Variants in KRT79 observed in about 807,000 individuals in gnomAD.
The protein encoded by KRT79 is keratin, type II cytoskeletal 79.
Under a neutral mutation model 49.0 loss-of-function variants are expected in KRT79, and 51 were observed. That is an observed-to-expected ratio of 1.04 (90% CI 0.83 to 1.31). The LOEUF (loss-of-function observed/expected upper bound fraction) is 1.31. KRT79 is among the 40% of genes most tolerant of loss of function. KRT79 has a pLI of 0.00. For missense variants in KRT79, 728 were observed against 688.0 expected, an observed-to-expected ratio of 1.06 and a Z score of -0.65; for synonymous variants, 312 against 286.6, an observed-to-expected ratio of 1.09 and a Z score of -0.90.
At chr12:52,826,208 G>C (rs1940173512) in intron 4 of KRT79, among the ~76,000 whole-genome samples, 1 of 151,856 alleles carries the variant, frequency 6.6e-6, no homozygotes, top group Non-Finnish European at 1.5e-5. Context: ...GGCATCAAGA[G>C]TGGATGAGGT....
Position 52,833,885 on chromosome 12 carries a change from G to C in KRT79, c.376C>G (p.Pro126Ala). The C allele has an allele frequency of 6.2e-7, 1 of 1,613,870 alleles. No homozygotes were observed. The highest frequency in any genetic ancestry group is 8.5e-7 in the Non-Finnish European group (1 of 1,179,926). The change falls in exon 1 of 9, where the codon CCC (proline) becomes GCC (alanine). Residue 126 changes from proline (P) to alanine (A), a missense_variant. Pro to Ala is a conservative substitution (Grantham distance 27, BLOSUM62 -1). Coordinates refer to ENST00000330553, the MANE Select transcript of KRT79 (RefSeq NM_175834.3). ...TCGGGGTCAATCTCCACATGGAGGG[G>C]GGTCAGCAGGCTCTGGTTGACAGTG... ...EVTVNQSLLT[P>A]LHVEIDPEIQ...
chr12:52,833,724 C>T, intron 1 of KRT79, 60 bp downstream of exon 1: 6 of 1,390,556 alleles, frequency 4.3e-6, no homozygotes, highest in Non-Finnish European at 6.1e-6. Flanking sequence ...CCAGCCCACC[C>T]TCTATTAGAG....
chr12:52,827,705 CG>C (rs368624502), intron 4 of KRT79, among the ~76,000 whole-genome samples: 6 of 152,194 alleles, frequency 3.9e-5, no homozygotes, highest in African/African-American at 1.4e-4. Context: ...AGAAATAACA[CG>C]GAGGTCCCTT....
At chr12:52,827,867 A>G (rs1940198406) in intron 4 of KRT79, among the ~76,000 whole-genome samples, 1 of 152,194 alleles carries the variant, frequency 6.6e-6, no homozygotes, top group African/African-American at 2.4e-5. Flanking sequence ...AGGGTAGATG[A>G]GAGACCTTGG....
chr12:52,830,835 G>A (rs1000245535), intron 2 of KRT79, among the ~76,000 whole-genome samples: 1 of 152,210 alleles, frequency 6.6e-6, no homozygotes, highest in African/African-American at 2.4e-5. Flanking sequence ...TTTATGACAT[G>A]TATGGGGTCA....
At chr12:52,831,244 C>T (rs1048132841) in intron 2 of KRT79, among the ~76,000 whole-genome samples, 162 bp downstream of exon 2, 3 of 152,234 alleles carry the variant, frequency 2.0e-5, no homozygotes, top group Non-Finnish European at 4.4e-5. Context: ...TGCCAATTCT[C>T]CAGGTGGCAG....
chr12:52,829,698 C>A (rs1940222611), intron 4 of KRT79, among the ~76,000 whole-genome samples: 1 of 152,164 alleles, frequency 6.6e-6, no homozygotes, highest in African/African-American at 2.4e-5. Context: ...GTCAGGAGTT[C>A]AAGACCAGCC....
At chr12:52,831,830 A>G (rs1368359729) in intron 1 of KRT79, among the ~76,000 whole-genome samples, 1 of 152,194 alleles carries the variant, frequency 6.6e-6, no homozygotes, top group Non-Finnish European at 1.5e-5. Context: ...AACTCTACCA[A>G]GTTAATAAGC....
intron 4 of KRT79, 22 bp from the exon 5 acceptor site, chr12:52,824,384 C>A: frequency 6.2e-7 from 1 of 1,609,806 alleles, no homozygotes; most frequent in Non-Finnish European, 8.5e-7. Flanking sequence ...GAGACAGCTG[C>A]CACCAGCACC....
chr12:52,824,522 A>G (rs1358176663), intron 4 of KRT79, among the ~76,000 whole-genome samples, 160 bp from the exon 5 acceptor site: 2 of 152,240 alleles, frequency 1.3e-5, no homozygotes, highest in East Asian at 3.8e-4. Context: ...GAAAGGCCTC[A>G]GTCTCCCCAG....
In KRT79 at chr12:52,834,256, C is replaced by G; in HGVS notation, c.5G>C (p.Arg2Thr). 1 of 1,612,384 alleles carries G rather than the reference C, an allele frequency of 6.2e-7. No homozygotes were observed. The highest frequency in any genetic ancestry group is 8.5e-7 in the Non-Finnish European group (1 of 1,179,494). The change falls in exon 1 of 9, where the codon AGG becomes ACG. Residue 2 changes from arginine to threonine, a missense_variant. By Grantham distance (71) the Arg-to-Thr change is moderately conservative (BLOSUM62 -1). Coordinates refer to ENST00000330553, the MANE Select transcript of KRT79 (RefSeq NM_175834.3). ...GTATGTTTGCCGAGAGACGGAGGAC[C>G]TCATAGCTGCAGAGGGGCCGGAGGG... M[R>T]SSVSRQTYST...
chr12:52,831,829 A>G (rs1388021132), intron 1 of KRT79, among the ~76,000 whole-genome samples: 1 of 152,120 alleles, frequency 6.6e-6, no homozygotes, highest in East Asian at 1.9e-4. Flanking sequence ...GAACTCTACC[A>G]AGTTAATAAG....
At position 52,834,105 on chromosome 12, in the gene KRT79, G is replaced by A. The variant is rs140098626; in HGVS notation, c.156C>T (p.Pro52=). The stretch of plus-strand genomic sequence containing the variant: ...TTCGGCTGCCAAAGCCACCTGTGCC[G>A]GGGCCACAGTGGGCCCCGCCACCAC... ...SGSGGGAHCG[P]GTGGFGSRSL... is the part of the protein sequence containing the mutation. The change falls in exon 1 of 9, where the codon CCC becomes CCT. Residue 52 remains proline, a synonymous_variant. Transcript: ENST00000330553. 759 of 1,613,036 alleles carry A rather than the reference G, an allele frequency of 4.7e-4. 5 individuals carry two copies. The highest frequency in any genetic ancestry group is 4.8e-4 in the Admixed American group (29 of 59,994).
At chr12:52,824,839 C>A (rs1240518837) in intron 4 of KRT79, among the ~76,000 whole-genome samples, 1 of 152,176 alleles carries the variant, frequency 6.6e-6, no homozygotes, top group Non-Finnish European at 1.5e-5. Context: ...TGACCATGGA[C>A]AAGTGAGGAA....
intron 1 of KRT79, among the ~76,000 whole-genome samples, chr12:52,833,421 C>T (rs1167276133): frequency 6.6e-6 from 1 of 152,208 alleles, no homozygotes; most frequent in Non-Finnish European, 1.5e-5. Flanking sequence ...AAAGGCAATG[C>T]AGGCCACCCC....
intron 2 of KRT79, 167 bp from the exon 3 acceptor site, chr12:52,830,459 T>C (rs1032136283): frequency 1.7e-5 from 10 of 603,470 alleles, no homozygotes; most frequent in African/African-American, 1.1e-4. Context: ...GGGTCTGCCT[T>C]GATTTAAACA....
At chr12:52,832,956 AAC>A (rs1294828596) in intron 1 of KRT79, among the ~76,000 whole-genome samples, 2 of 152,198 alleles carry the variant, frequency 1.3e-5, no homozygotes, top group Admixed American at 1.3e-4. Flanking sequence ...GTTCTTCGGA[AAC>A]ACACAAATCA....
At position 52,823,114 on chromosome 12, in the gene KRT79, T is replaced by G; in HGVS notation, c.1269A>C (p.Thr423=). The G allele has an allele frequency of 6.2e-7, 1 of 1,614,170 alleles. No homozygotes were observed. Among genetic ancestry groups the G allele is most frequent in the Non-Finnish European group, 8.5e-7 (1 of 1,180,020 alleles). The part of the protein sequence containing the change: ...VALHQAKEDL[T]RLLRDYQELM... ...GCTCCTGGTAGTCACGCAGCAGCCG[T>G]GTCAGGTCCTCCTTGGCCTGGTGCA... The change falls in exon 7 of 9, where the codon ACA becomes ACC. Residue 423 remains threonine, a synonymous_variant. Transcript: ENST00000330553.
Position 52,833,830 on chromosome 12 carries a change from T to C in KRT79, c.431A>G (p.Glu144Gly). The C allele has an allele frequency of 1.9e-6, 3 of 1,613,482 alleles. No homozygotes were observed. The highest frequency in any genetic ancestry group is 1.3e-5 in the African/African-American group (1 of 74,770). ...CTTGTTGTTGAGGGTCTTGATCTGC[T>C]CCCGCTCCTGAGTGCGCACTCGCTG... The part of the protein sequence containing the change: ...EIQRVRTQER[E>G]QIKTLNNKFA... Residue 144 changes from glutamate to glycine, a missense_variant, in exon 1 of 9, where the codon GAG becomes GGG. By Grantham distance (98) the Glu-to-Gly change is moderately conservative. Transcript: ENST00000330553.
Sources: gnomAD v4.1 joint callset for allele counts (sites outside exome capture counted in the v4.1 genomes callset) on GRCh38, gnomAD v4.1.1 for gene constraint, MANE v1.5 for transcripts, NCBI Gene and HGNC (gene_info 2026-07-23, HGNC 2026-07-21) for gene names.